Variants in RORA observed in about 807,000 individuals in gnomAD.
RORA encodes the protein RAR related orphan receptor A.
In RORA, 7 loss-of-function variants were observed where a neutral mutation model predicts 69.5. The ratio of observed to expected loss-of-function variants is 0.10; its 90% CI spans 0.06 to 0.19. The LOEUF is 0.19. Among genes scored for constraint, RORA ranks in the 10% least tolerant of loss-of-function variants. RORA has a pLI of 1.00. For missense variants in RORA, 457 were observed against 663.0 expected, an observed-to-expected ratio of 0.69 and a Z score of 3.41; for synonymous variants, 261 against 240.8, an observed-to-expected ratio of 1.08 and a Z score of -0.78.
At chr15:61,004,811 C>T (rs1894862980) in intron 1 of RORA, among the ~76,000 whole-genome samples, 1 of 152,122 alleles carries the variant, frequency 6.6e-6, no homozygotes, top group Admixed American at 6.5e-5. Context: ...AAATGTCGAA[C>T]CTCACTTATA....
In RORA at chr15:61,018,070, A is replaced by G. The variant is rs527660736; in HGVS notation, c.166+210983T>C. Among the ~76,000 whole-genome samples the G allele has an allele frequency of 5.3e-5, 8 of 152,358 alleles. 1 individual carries two copies. The South Asian group carries it at 1.7e-3, about 32-fold the overall frequency. On this transcript the variant is annotated intron_variant, in intron 1 of 10. Transcript: ENST00000335670. ...AGAAAACTATTCAACTGTCTTTTCT[A>G]TTTACTACAATAGATCCTCCAAAAG...
At chr15:60,646,490 CAT>C (rs756409714) in intron 2 of RORA, among the ~76,000 whole-genome samples, 112 of 152,272 alleles carry the variant, frequency 7.4e-4, no homozygotes, top group Non-Finnish European at 1.3e-3. Flanking sequence ...CCTAGTGAGA[CAT>C]GTGTCACTTT....
In RORA at chr15:60,488,374, TGTA is replaced by T. The variant is rs914536580; in HGVS notation, c.*9078_*9080del. 6.6e-6 allele frequency: 1 copy of T among 152,214 alleles called. No homozygotes were observed. Among genetic ancestry groups the T allele is most frequent in the African/African-American group, 2.4e-5 (1 of 41,450 alleles). The allele number at this position is 152,214 out of a possible 1,614,324, so 9.4% of individuals were successfully genotyped here. ...TTCAATGCACTTTTAATAAAGGTAA[TGTA>T]ATATTAAAGGTACAGTTTCTAAGTA... On this transcript the variant is annotated 3_prime_UTR_variant, in exon 11 of 11. Transcript: ENST00000335670.
chr15:61,033,037 C>G (rs967057551), intron 1 of RORA, among the ~76,000 whole-genome samples: 4 of 152,076 alleles, frequency 2.6e-5, no homozygotes, highest in Non-Finnish European at 5.9e-5. Context: ...TTTTACAGAG[C>G]GGGGAACAGA....
chr15:60,791,017 A>G (rs1197610079), intron 1 of RORA, among the ~76,000 whole-genome samples: 1 of 150,946 alleles, frequency 6.6e-6, no homozygotes, highest in Non-Finnish European at 1.5e-5. Context: ...CTATTGTTTC[A>G]TTGTCTTTTG....
chr15:60,881,035 C>G (rs2073673946), intron 1 of RORA, among the ~76,000 whole-genome samples: 1 of 152,198 alleles, frequency 6.6e-6, no homozygotes. Context: ...TAGACAAATG[C>G]TGATCTAAAC....
intron 1 of RORA, among the ~76,000 whole-genome samples, chr15:60,921,610 C>A (rs1235603647): frequency 6.6e-6 from 1 of 152,180 alleles, no homozygotes; most frequent in Non-Finnish European, 1.5e-5. Flanking sequence ...GATGTGTTCA[C>A]CTACAAATTC....
intron 1 of RORA, among the ~76,000 whole-genome samples, chr15:60,968,804 T>C (rs1183117369): frequency 6.6e-6 from 1 of 152,122 alleles, no homozygotes; most frequent in Non-Finnish European, 1.5e-5. Context: ...AATCAGTAAA[T>C]TCGCATCAGT....
chr15:60,499,651 C>T (rs2065269234), intron 10 of RORA, among the ~76,000 whole-genome samples: 1 of 152,084 alleles, frequency 6.6e-6, no homozygotes, highest in African/African-American at 2.4e-5. Flanking sequence ...AACTTTTTTT[C>T]CTACATTGCC....
intron 2 of RORA, among the ~76,000 whole-genome samples, chr15:60,580,412 A>G (rs1056183909): frequency 6.6e-5 from 10 of 152,262 alleles, no homozygotes; most frequent in Non-Finnish European, 1.0e-4. Flanking sequence ...TATGTTCTCA[A>G]GCATAATTCC....
At chr15:60,973,557 T>C (rs1444637279) in intron 1 of RORA, among the ~76,000 whole-genome samples, 1 of 152,228 alleles carries the variant, frequency 6.6e-6, no homozygotes, top group Admixed American at 6.5e-5. Flanking sequence ...TTCTCCTGTC[T>C]CACCTTCTAC....
At chr15:61,037,894 A>T (rs1896540984) in intron 1 of RORA, among the ~76,000 whole-genome samples, 1 of 152,230 alleles carries the variant, frequency 6.6e-6, no homozygotes, top group Non-Finnish European at 1.5e-5. Flanking sequence ...CAGACATAGC[A>T]TGCCATTGTG....
In RORA at chr15:60,817,510, C is replaced by T. The variant is rs186239330; in HGVS notation, c.167-138824G>A. On this transcript the variant is annotated intron_variant, in intron 1 of 10. Coordinates refer to ENST00000335670, the MANE Select transcript of RORA (RefSeq NM_134261.3). Reference sequence around the variant, plus strand: ...TCTGTATATAATACATTACTATTAACTATAGTCCCCAGGCTGTGCACCTGT... The same window carrying T: ...TCTGTATATAATACATTACTATTAATTATAGTCCCCAGGCTGTGCACCTGT... Among the ~76,000 whole-genome samples, 94 of 152,316 alleles carry T rather than the reference C, an allele frequency of 6.2e-4. No homozygotes were observed. The East Asian group carries it at 0.014, about 23-fold the overall frequency.
At chr15:60,976,072 A>C (rs1157685439) in intron 1 of RORA, among the ~76,000 whole-genome samples, 1 of 152,196 alleles carries the variant, frequency 6.6e-6, no homozygotes, top group East Asian at 1.9e-4. Context: ...ACTTTGCTGG[A>C]GGTGGAGCAA....
chr15:61,027,577 G>A (rs1895893462), intron 1 of RORA, among the ~76,000 whole-genome samples: 1 of 152,134 alleles, frequency 6.6e-6, no homozygotes. Flanking sequence ...TAAATGGTGG[G>A]ATCCAGATCT....
chr15:61,212,977 A>AT (rs977052704), intron 1 of RORA, among the ~76,000 whole-genome samples: 9 of 152,036 alleles, frequency 5.9e-5, no homozygotes, highest in African/African-American at 2.2e-4. Context: ...TGCTATTGCT[A>AT]TTTTTTTGTT....
intron 1 of RORA, among the ~76,000 whole-genome samples, chr15:61,154,507 A>C (rs1376669330): frequency 1.3e-5 from 2 of 152,204 alleles, no homozygotes; most frequent in Admixed American, 6.5e-5. Context: ...TCTGTAGTGG[A>C]AACAAGTGAT....
chr15:60,798,137 A>G (rs1386821780), intron 1 of RORA, among the ~76,000 whole-genome samples: 1 of 147,742 alleles, frequency 6.8e-6, no homozygotes, highest in African/African-American at 2.5e-5. Context: ...CATGAGAAAA[A>G]AAAACTTAAT....
rs562079590 is a variant in RORA at position 60,741,659 on chromosome 15, T to C, written c.167-62973A>G. 1.2e-4 allele frequency among the ~76,000 whole-genome samples: 19 copies of C among 152,220 alleles called. 1 individual carries two copies. Among genetic ancestry groups the C allele is most frequent in the Admixed American group, 1.2e-3 (18 of 15,296 alleles). Reference sequence around the variant, plus strand: ...CATAATTCCTCATAGCAGATCTAGTTCCCCAACCTTACTGCAGAGGCATGG... The same window carrying C: ...CATAATTCCTCATAGCAGATCTAGTCCCCCAACCTTACTGCAGAGGCATGG... On this transcript the variant is annotated intron_variant, in intron 1 of 10. Coordinates refer to ENST00000335670, the MANE Select transcript of RORA (RefSeq NM_134261.3).
Sources: gnomAD v4.1 joint callset for allele counts (sites outside exome capture counted in the v4.1 genomes callset) on GRCh38, gnomAD v4.1.1 for gene constraint, MANE v1.5 for transcripts, NCBI Gene and HGNC (gene_info 2026-07-23, HGNC 2026-07-21) for gene names.